Variants in LYPD6B observed in about 807,000 individuals in gnomAD.
LYPD6B encodes the protein ly6/PLAUR domain-containing protein 6B.
In LYPD6B, 17 loss-of-function variants were observed where a neutral mutation model predicts 22.8. The ratio of observed to expected loss-of-function variants is 0.75; its 90% CI spans 0.51 to 1.12. LYPD6B has a LOEUF of 1.12. Among genes scored for constraint, LYPD6B ranks in the 50% most tolerant of loss-of-function variants. The pLI is 0.00. For synonymous variants in LYPD6B, 106 were observed against 91.6 expected, an observed-to-expected ratio of 1.16 and a Z score of -0.90; for missense variants, 221 against 258.3, an observed-to-expected ratio of 0.86 and a Z score of 0.99.
intron 1 of LYPD6B, among the ~76,000 whole-genome samples, chr2:149,120,339 GTATATATATA>G (rs1170534857): frequency 1.8e-5 from 2 of 112,046 alleles, no homozygotes; most frequent in African/African-American, 3.9e-5. Context: ...ATATATATGT[GTATATATATA>G]TGTGTGTGTG....
At chr2:149,150,837 C>T (rs1215589513) in intron 2 of LYPD6B, among the ~76,000 whole-genome samples, 1 of 152,052 alleles carries the variant, frequency 6.6e-6, no homozygotes, top group Non-Finnish European at 1.5e-5. Context: ...GTGCCTTTAT[C>T]ATTTCCCTTC....
At chr2:149,180,759 A>C (rs946767712) in intron 3 of LYPD6B, among the ~76,000 whole-genome samples, 2 of 152,176 alleles carry the variant, frequency 1.3e-5, no homozygotes, top group African/African-American at 4.8e-5. Flanking sequence ...AGGACATCTG[A>C]GAACCGGCTC....
intron 6 of LYPD6B, among the ~76,000 whole-genome samples, chr2:149,214,185 C>T (rs115013476): frequency 2.0e-5 from 3 of 152,230 alleles, no homozygotes; most frequent in African/African-American, 7.2e-5. Context: ...ATGACTAATC[C>T]GAAAGGTTCC....
At chr2:149,084,562 G>T (rs1372967735) in intron 1 of LYPD6B, among the ~76,000 whole-genome samples, 2 of 152,096 alleles carry the variant, frequency 1.3e-5, no homozygotes, top group African/African-American at 2.4e-5. Context: ...GAATCCCTGG[G>T]TATATTTTGT....
chr2:149,170,622 G>A (rs542708980), intron 3 of LYPD6B, among the ~76,000 whole-genome samples: 7 of 152,286 alleles, frequency 4.6e-5, no homozygotes, highest in Admixed American at 3.9e-4. Context: ...CAGATCTAGA[G>A]ACACATAGCT....
chr2:149,204,742 C>G (rs2106140859), intron 3 of LYPD6B: 1 of 152,888 alleles, frequency 6.5e-6, no homozygotes, highest in Non-Finnish European at 1.5e-5. Context: ...GACTCCTTGT[C>G]CTTTCCCCTG....
At chr2:149,078,069 C>T (rs1351096162) in intron 1 of LYPD6B, among the ~76,000 whole-genome samples, 2 of 152,150 alleles carry the variant, frequency 1.3e-5, no homozygotes, top group African/African-American at 2.4e-5. Context: ...TGTTAATTCA[C>T]CTGGTAGGCT....
At chr2:149,097,039 A>T (rs927988185) in intron 1 of LYPD6B, among the ~76,000 whole-genome samples, 12 of 152,222 alleles carry the variant, frequency 7.9e-5, no homozygotes, top group African/African-American at 2.7e-4. Context: ...CCAATAGTAA[A>T]CATGTGCTCA....
chr2:149,141,321 G>A (rs768765580), intron 2 of LYPD6B, among the ~76,000 whole-genome samples: 4 of 152,170 alleles, frequency 2.6e-5, no homozygotes, highest in African/African-American at 4.8e-5. Context: ...GTGCATCCGC[G>A]TGGAGTACAG....
chr2:149,208,115 C>T (rs915981089), intron 4 of LYPD6B, among the ~76,000 whole-genome samples, 199 bp from the exon 5 acceptor site: 7 of 152,108 alleles, frequency 4.6e-5, no homozygotes, highest in African/African-American at 1.7e-4. Flanking sequence ...TCTTAGAAGA[C>T]ATATTTAAAC....
intron 1 of LYPD6B, among the ~76,000 whole-genome samples, chr2:149,099,098 T>C (rs151285414): frequency 6.6e-6 from 1 of 152,256 alleles, no homozygotes; most frequent in East Asian, 1.9e-4. Context: ...GTGTGGCCCA[T>C]TGGACTAGGG....
chr2:149,107,039 A>T (rs1361584296), intron 1 of LYPD6B, among the ~76,000 whole-genome samples: 1 of 152,196 alleles, frequency 6.6e-6, no homozygotes, highest in African/African-American at 2.4e-5. Flanking sequence ...ATAAAGTTTA[A>T]GTTATAATTA....
intron 3 of LYPD6B, among the ~76,000 whole-genome samples, chr2:149,182,525 T>C: frequency 6.6e-6 from 1 of 152,230 alleles, no homozygotes; most frequent in South Asian, 2.1e-4. Flanking sequence ...AAAACAGACA[T>C]GGAAGACCTT....
At chr2:149,098,736 C>A (rs1686039519) in intron 1 of LYPD6B, among the ~76,000 whole-genome samples, 1 of 147,402 alleles carries the variant, frequency 6.8e-6, no homozygotes, top group African/African-American at 2.5e-5. Flanking sequence ...TTTTATGTAT[C>A]TACTTACGTA....
At chr2:149,194,264 G>T (rs1309326491) in intron 3 of LYPD6B, among the ~76,000 whole-genome samples, 1 of 152,084 alleles carries the variant, frequency 6.6e-6, no homozygotes, top group Non-Finnish European at 1.5e-5. Context: ...ATAGTAAAGA[G>T]GCTACTCTTT....
At chr2:149,205,195 C>T (rs1045733029) in intron 3 of LYPD6B, 58 bp from the exon 4 acceptor site, 29 of 1,542,028 alleles carry the variant, frequency 1.9e-5, no homozygotes, top group Non-Finnish European at 2.4e-5. Context: ...AGAAGCAAAA[C>T]ACAAACCCAC....
rs562666110 is a variant in LYPD6B at position 149,146,822 on chromosome 2, A to G, written c.6-13942A>G. Among the ~76,000 whole-genome samples the G allele has an allele frequency of 1.2e-4, 18 of 152,364 alleles. No individual in the cohort carries two copies. In the South Asian group the frequency reaches 3.5e-3, roughly 30 times the overall value. On this transcript the variant is annotated intron_variant, in intron 2 of 6. Coordinates refer to ENST00000409642, the MANE Select transcript of LYPD6B (RefSeq NM_177964.5). ...TTTAGGGGCTGGTAGCTGTGGGATT[A>G]GAAGACCCTTGCGCTTACCTGCCGG...
intron 1 of LYPD6B, among the ~76,000 whole-genome samples, chr2:149,078,457 A>C (rs16822712): frequency 0.019 from 2,968 of 152,238 alleles, 101 homozygotes; most frequent in African/African-American, 0.065. Flanking sequence ...TTTGGGGGTT[A>C]AATCAGTGAC....
intron 1 of LYPD6B, among the ~76,000 whole-genome samples, chr2:149,120,637 C>G: frequency 6.6e-6 from 1 of 150,424 alleles, no homozygotes. Context: ...CCCGCCTCAG[C>G]CTCCCAAAGT....
Sources: gnomAD v4.1 joint callset for allele counts (sites outside exome capture counted in the v4.1 genomes callset) on GRCh38, gnomAD v4.1.1 for gene constraint, MANE v1.5 for transcripts, NCBI Gene and HGNC (gene_info 2026-07-23, HGNC 2026-07-21) for gene names.